Variants in RBFOX1 observed in about 807,000 individuals in gnomAD.
RBFOX1 encodes the protein RNA binding fox-1 homolog 1.
In RBFOX1, 8 loss-of-function variants were observed where a neutral mutation model predicts 57.7. The ratio of observed to expected loss-of-function variants is 0.14; its 90% CI spans 0.08 to 0.25. The LOEUF (loss-of-function observed/expected upper bound fraction) is 0.25, where lower values mean the gene tolerates loss of function less well. Ranked by LOEUF, RBFOX1 falls within the 10% of genes least tolerant of loss-of-function variation. The pLI is 1.00. For missense variants in RBFOX1, 611 were observed against 548.5 expected, an observed-to-expected ratio of 1.11 and a Z score of -1.14; for synonymous variants, 326 against 222.4, an observed-to-expected ratio of 1.47 and a Z score of -4.15.
At chr16:7,019,090 C>T (rs1597161053) in intron 3 of RBFOX1, among the ~76,000 whole-genome samples, 1 of 151,766 alleles carries the variant, frequency 6.6e-6, no homozygotes, top group African/African-American at 2.4e-5. Flanking sequence ...GTGTGTATGT[C>T]TGTGTGTGTA....
intron 1 of RBFOX1, among the ~76,000 whole-genome samples, chr16:5,303,005 T>C (rs2063842137): frequency 6.6e-6 from 1 of 152,262 alleles, no homozygotes; most frequent in African/African-American, 2.4e-5. Context: ...TTCTTTGTTC[T>C]TCCGTTTCTC....
At chr16:5,359,921 A>G (rs946549726) in intron 1 of RBFOX1, among the ~76,000 whole-genome samples, 4 of 123,268 alleles carry the variant, frequency 3.2e-5, no homozygotes, top group Non-Finnish European at 4.9e-5. Context: ...CTCACATTTA[A>G]CATCTCTTGA....
At chr16:7,543,266 CAT>C (rs775221039) in intron 5 of RBFOX1, among the ~76,000 whole-genome samples, 2 of 152,224 alleles carry the variant, frequency 1.3e-5, no homozygotes, top group Non-Finnish European at 2.9e-5. Context: ...TGGCCTGACA[CAT>C]GACTTCACAT....
intron 4 of RBFOX1, among the ~76,000 whole-genome samples, chr16:7,153,052 T>C (rs534281919): frequency 1.3e-5 from 2 of 152,354 alleles, no homozygotes; most frequent in East Asian, 1.9e-4. Context: ...TGGTTAATTA[T>C]GTAGAACCAT....
intron 3 of RBFOX1, among the ~76,000 whole-genome samples, chr16:5,834,343 A>G (rs760387730): frequency 2.0e-5 from 3 of 152,196 alleles, no homozygotes; most frequent in Admixed American, 6.5e-5. Context: ...ATAAGTGAGA[A>G]CATGAGGTAT....
chr16:7,122,978 A>G (rs1392584583), intron 4 of RBFOX1, among the ~76,000 whole-genome samples: 5 of 152,004 alleles, frequency 3.3e-5, no homozygotes, highest in Admixed American at 2.6e-4. Context: ...ATCCATTCCT[A>G]TGACATCTGC....
At chr16:5,773,345 A>G (rs1446003132) in intron 3 of RBFOX1, among the ~76,000 whole-genome samples, 1 of 152,214 alleles carries the variant, frequency 6.6e-6, no homozygotes, top group African/African-American at 2.4e-5. Flanking sequence ...CAGCCTCTAG[A>G]CTATGTCTGT....
chr16:6,176,781 T>A lies in RBFOX1; in HGVS notation c.-126-140214T>A, dbSNP rs141360550. 5.9e-5 allele frequency among the ~76,000 whole-genome samples: 9 copies of A among 152,200 alleles called. No homozygotes were observed. In the East Asian group the frequency reaches 1.7e-3, roughly 29 times the overall value. Reference sequence around the variant, plus strand: ...ACATGTATTTAATTTTCTTAATAAGTGGAGAATTGTGTTAAATGTCTTTTG... The same window carrying A: ...ACATGTATTTAATTTTCTTAATAAGAGGAGAATTGTGTTAAATGTCTTTTG... On this transcript the variant is annotated intron_variant, in intron 1 of 15. Transcript: ENST00000550418.
chr16:5,812,688 C>T (rs546950594), intron 3 of RBFOX1, among the ~76,000 whole-genome samples: 9 of 152,228 alleles, frequency 5.9e-5, no homozygotes, highest in Admixed American at 3.3e-4. Context: ...TCTCAAACTC[C>T]TGGCCTCAAG....
At chr16:7,092,496 T>C (rs1391432177) in intron 4 of RBFOX1, among the ~76,000 whole-genome samples, 1 of 152,244 alleles carries the variant, frequency 6.6e-6, no homozygotes, top group East Asian at 1.9e-4. Flanking sequence ...TAATACTGTA[T>C]AGACAGTGTT....
At chr16:7,366,341 G>A (rs759975439) in intron 4 of RBFOX1, among the ~76,000 whole-genome samples, 2 of 152,340 alleles carry the variant, frequency 1.3e-5, no homozygotes, top group South Asian at 4.1e-4. Context: ...AAATCACAAA[G>A]GCACGGCACC....
intron 1 of RBFOX1, among the ~76,000 whole-genome samples, chr16:5,358,805 T>C (rs946879307): frequency 5.9e-5 from 9 of 152,168 alleles, no homozygotes; most frequent in African/African-American, 2.2e-4. Context: ...CTAGCCTGTG[T>C]GACAAGAGCA....
intron 5 of RBFOX1, among the ~76,000 whole-genome samples, chr16:7,561,188 C>T (rs1299227019): frequency 6.6e-6 from 1 of 152,194 alleles, no homozygotes; most frequent in African/African-American, 2.4e-5. Flanking sequence ...AGACCAAATC[C>T]AGCCCACTGT....
chr16:6,230,004 A>G lies in RBFOX1; in HGVS notation c.-126-86991A>G, dbSNP rs138963209. 2.7e-3 allele frequency among the ~76,000 whole-genome samples: 408 copies of G among 152,314 alleles called. 2 individuals are homozygous for G. Among genetic ancestry groups the G allele is most frequent in the African/African-American group, 9.5e-3 (394 of 41,574 alleles). On this transcript the variant is annotated intron_variant, in intron 1 of 15. Transcript: ENST00000550418. Reference sequence around the variant, plus strand: ...GTACACAAAAAATTGCCTGTTATCTAGGGTGTACTTGACTATGGATCTCCT... The same window carrying G: ...GTACACAAAAAATTGCCTGTTATCTGGGGTGTACTTGACTATGGATCTCCT...
intron 1 of RBFOX1, among the ~76,000 whole-genome samples, chr16:5,427,099 T>C (rs2067584082): frequency 6.6e-6 from 1 of 152,198 alleles, no homozygotes; most frequent in Admixed American, 6.5e-5. Flanking sequence ...TGCCATCCAC[T>C]GTCCCTTCCC....
chr16:7,191,624 A>G (rs1210049871), intron 4 of RBFOX1, among the ~76,000 whole-genome samples: 1 of 152,242 alleles, frequency 6.6e-6, no homozygotes, highest in East Asian at 1.9e-4. Flanking sequence ...AGTAGATTAG[A>G]TTTGCTTTTA....
chr16:7,313,108 C>T (rs11862622), intron 4 of RBFOX1, among the ~76,000 whole-genome samples: 119,536 of 151,986 alleles, frequency 0.79, 47,120 homozygotes, highest in East Asian at 0.94. Context: ...CCACATCACT[C>T]TTCATCCGGG....
Position 7,043,779 on chromosome 16 carries a change from T to C in RBFOX1, c.-15-8278T>C, listed in dbSNP as rs549905666. On this transcript the variant is annotated intron_variant, in intron 3 of 15. Coordinates refer to ENST00000550418, the MANE Select transcript of RBFOX1 (RefSeq NM_018723.4). ...CTACTTTCCCCAGTTCAAGTTAATC[T>C]CTCACCAGTTCCCTCTTGCACTTGA... is the stretch of plus-strand genomic sequence containing the variant. Among the ~76,000 whole-genome samples the C allele has an allele frequency of 1.8e-4, 28 of 152,336 alleles. No individual in the cohort carries two copies. In the East Asian group the frequency reaches 4.2e-3, roughly 23 times the overall value.
chr16:5,967,598 A>G (rs1322948964), intron 4 of RBFOX1, among the ~76,000 whole-genome samples: 1 of 152,210 alleles, frequency 6.6e-6, no homozygotes. Flanking sequence ...GATAAAATAC[A>G]CCATGGGCTC....
Sources: allele counts gnomAD v4.1 joint callset (sites outside exome capture counted in the v4.1 genomes callset), GRCh38; gene constraint gnomAD v4.1.1; transcripts MANE v1.5; gene names NCBI Gene and HGNC (gene_info 2026-07-23, HGNC 2026-07-21).